The following BFSP2 variants were observed in gnomAD, a reference collection of about 807,000 sequenced individuals.
The protein encoded by BFSP2 is phakinin.
BFSP2 carries 38 observed loss-of-function variants against 44.9 expected under a neutral mutation model. That is an observed-to-expected ratio of 0.85 (90% CI 0.65 to 1.11). The LOEUF (loss-of-function observed/expected upper bound fraction) is 1.11, where lower values mean the gene tolerates loss of function less well. BFSP2 is among the 50% of genes least tolerant of loss of function. The probability of loss-of-function intolerance (pLI) is 0.00; values close to 1 mark genes in which losing one functional copy is unlikely to be tolerated. For missense variants in BFSP2, 525 were observed against 533.0 expected (o/e 0.99, Z 0.15); for synonymous variants, 197 against 209.9 (o/e 0.94, Z 0.53).
chr3:133,429,331 G>A (rs2073685119), intron 1 of BFSP2: 1 of 152,238 alleles, frequency 6.6e-6, no homozygotes, highest in Admixed American at 6.5e-5. Flanking sequence ...ACACAGTTAT[G>A]GAGGCTAGAA....
chr3:133,423,162 G>A (rs558164540), intron 1 of BFSP2, among the ~76,000 whole-genome samples: 1 of 152,292 alleles, frequency 6.6e-6, no homozygotes, highest in Non-Finnish European at 1.5e-5. Context: ...AGGAAGGATG[G>A]AAGAGGAAGG....
intron 4 of BFSP2, among the ~76,000 whole-genome samples, chr3:133,460,728 T>G (rs1157642570): frequency 2.6e-5 from 4 of 152,194 alleles, no homozygotes; most frequent in African/African-American, 9.7e-5. Context: ...GGAACCCCTG[T>G]ATTCCCACGG....
chr3:133,411,282 C>G (rs1254637010), intron 1 of BFSP2, among the ~76,000 whole-genome samples: 3 of 151,376 alleles, frequency 2.0e-5, no homozygotes, highest in African/African-American at 7.3e-5. Flanking sequence ...AAGCATTTTC[C>G]TGCCTTTCTT....
chr3:133,439,902 G>A (rs2073827372), intron 1 of BFSP2, among the ~76,000 whole-genome samples: 1 of 151,872 alleles, frequency 6.6e-6, no homozygotes, highest in Non-Finnish European at 1.5e-5. Flanking sequence ...AAGGGAGAGG[G>A]TGAGAGGTTA....
chr3:133,405,172 G>A (rs961568339), intron 1 of BFSP2, among the ~76,000 whole-genome samples: 1 of 152,186 alleles, frequency 6.6e-6, no homozygotes, highest in South Asian at 2.1e-4. Flanking sequence ...GAAGCCAGGG[G>A]GAGAATGAAG....
rs561015329 is a variant in BFSP2 at position 133,466,630 on chromosome 3, G to T, written c.892-198G>T. On this transcript the variant is annotated intron_variant, in intron 4 of 6. Coordinates refer to ENST00000302334, the MANE Select transcript of BFSP2 (RefSeq NM_003571.4). ...GAGGAAGTTGTGGTGAGCTGAGATCGCACCACTGCACTCCAGCCTGGGCTA... is the reference window on the plus strand; with the variant it reads ...GAGGAAGTTGTGGTGAGCTGAGATCTCACCACTGCACTCCAGCCTGGGCTA... 2.5e-5 allele frequency among the ~76,000 whole-genome samples: 3 copies of T among 121,576 alleles called. No homozygotes were observed. In the Admixed American group the frequency reaches 3.2e-4, roughly 13 times the overall value. 79.8% of individuals were successfully genotyped at this position (121,576 alleles called of 152,430 possible). A position where few individuals can be genotyped will look rare whatever the true frequency, so the allele number is the denominator to read the frequency against.
chr3:133,425,800 G>GAAGAAGGGAAGGGAAGGGAAATA (rs1559964174), intron 1 of BFSP2, among the ~76,000 whole-genome samples: 2 of 108,828 alleles, frequency 1.8e-5, no homozygotes, highest in Non-Finnish European at 4.2e-5. Flanking sequence ...GAAGGGAAGG[G>GAAGAAGGGAAGGGAAGGGAAATA]AAGAAGGGAA....
chr3:133,472,308 T>C (rs543046412), intron 5 of BFSP2, 37 bp from the exon 6 acceptor site: 3 of 1,586,714 alleles, frequency 1.9e-6, no homozygotes, highest in Non-Finnish European at 1.7e-6. Context: ...GCCCGGCCTG[T>C]TGTCCTCGGG....
chr3:133,451,503 A>G (rs564046790), intron 4 of BFSP2, among the ~76,000 whole-genome samples: 5 of 152,362 alleles, frequency 3.3e-5, no homozygotes, highest in African/African-American at 1.2e-4. Flanking sequence ...GCTAATGAGC[A>G]TAGCTGTGTT....
At chr3:133,418,541 G>C (rs2073565547) in intron 1 of BFSP2, among the ~76,000 whole-genome samples, 1 of 152,136 alleles carries the variant, frequency 6.6e-6, no homozygotes, top group South Asian at 2.1e-4. Flanking sequence ...CCCAGGCCAG[G>C]AACGTCTCCA....
intron 1 of BFSP2, among the ~76,000 whole-genome samples, chr3:133,427,607 G>T (rs1230613800): frequency 6.6e-6 from 1 of 152,218 alleles, no homozygotes; most frequent in South Asian, 2.1e-4. Context: ...GAATGGGGTG[G>T]CATTTCAGGC....
rs780070716 is a variant in BFSP2, at chr3:133,466,808, T to C, written c.892-20T>C. On this transcript the variant is annotated intron_variant, in intron 4 of 6. Transcript: ENST00000302334. The stretch of plus-strand genomic sequence containing the variant: ...GATTTCTGATCATCACCGCTCACAC[T>C]GAGACCTGACTCTCCACAGCAACAG... 6 of 1,605,450 alleles carry C rather than the reference T, an allele frequency of 3.7e-6. No homozygotes were observed. The highest frequency in any genetic ancestry group is 5.1e-6 in the Non-Finnish European group (6 of 1,175,230).
At chr3:133,414,986 CTA>C in intron 1 of BFSP2, among the ~76,000 whole-genome samples, 1 of 138,790 alleles carries the variant, frequency 7.2e-6, no homozygotes, top group Non-Finnish European at 1.6e-5. Flanking sequence ...CATCTCTCCT[CTA>C]CTCACCCTTG....
intron 6 of BFSP2, among the ~76,000 whole-genome samples, chr3:133,472,952 T>G (rs961962917): frequency 3.0e-4 from 40 of 132,948 alleles, no homozygotes; most frequent in Non-Finnish European, 5.2e-4. Flanking sequence ...CCTGCGCATC[T>G]TTTTTTTTTT....
rs763430287 is a variant in BFSP2 at position 133,400,231 on chromosome 3, C to A, written c.148C>A (p.Leu50Ile). 4 of 1,613,986 alleles carry A rather than the reference C, an allele frequency of 2.5e-6. No individual in the cohort carries two copies. Among genetic ancestry groups the A allele is most frequent in the Non-Finnish European group, 2.5e-6 (3 of 1,179,942 alleles). Residue 50 changes from leucine to isoleucine, a missense_variant, in exon 1 of 7, where the codon CTT (leucine) becomes ATT (isoleucine). By Grantham distance (5) the Leu-to-Ile change is conservative. Transcript: ENST00000302334. This position sits in a 1 kb window ranked among gnomAD's most constrained non-coding sequence, Gnocchi z 4.0. ...CTCCAGGACCAATGCCATGAGTGGC[C>A]TTGTCCGAGCACCCGGGGTCTATGT... The part of the protein sequence containing the change: ...PASRTNAMSG[L>I]VRAPGVYVGT...
At chr3:133,406,228 G>A (rs891467999) in intron 1 of BFSP2, among the ~76,000 whole-genome samples, 1 of 152,140 alleles carries the variant, frequency 6.6e-6, no homozygotes, top group African/African-American at 2.4e-5. Context: ...CAAAGTATTG[G>A]GATCACAGGC....
chr3:133,469,936 C>A (rs60238873), intron 5 of BFSP2, among the ~76,000 whole-genome samples: 1 of 152,304 alleles, frequency 6.6e-6, no homozygotes, highest in South Asian at 2.1e-4. Flanking sequence ...ACAGATGATC[C>A]AACCGTGATT....
intron 1 of BFSP2, among the ~76,000 whole-genome samples, chr3:133,419,901 C>T (rs977138445): frequency 6.6e-6 from 1 of 152,226 alleles, no homozygotes; most frequent in Non-Finnish European, 1.5e-5. Flanking sequence ...TGTGTGGCTC[C>T]GGCTCCGCCA....
intron 1 of BFSP2, among the ~76,000 whole-genome samples, chr3:133,405,480 G>C (rs1330440878): frequency 1.3e-5 from 2 of 152,106 alleles, no homozygotes; most frequent in Non-Finnish European, 2.9e-5. Flanking sequence ...CCAGATCTGG[G>C]CCAGGTTTCT....
Sources: allele counts gnomAD v4.1 joint callset (sites outside exome capture counted in the v4.1 genomes callset), GRCh38; gene constraint gnomAD v4.1.1; non-coding constraint Gnocchi (gnomAD v3.1); transcripts MANE v1.5; gene names NCBI Gene and HGNC (gene_info 2026-07-23, HGNC 2026-07-21).